PRICKLE1: variants seen among roughly 807,000 people sequenced by gnomAD.
PRICKLE1 encodes the protein prickle planar cell polarity protein 1.
Under a neutral mutation model 70.2 loss-of-function variants are expected in PRICKLE1, and 14 were observed. The observed-to-expected ratio is 0.20, with a 90% CI of 0.13 to 0.31. The LOEUF (loss-of-function observed/expected upper bound fraction) is 0.31. PRICKLE1 is among the 10% of genes least tolerant of loss of function. The probability of loss-of-function intolerance (pLI) is 1.00; values close to 1 mark genes in which losing one functional copy is unlikely to be tolerated. For synonymous variants in PRICKLE1, 357 were observed against 379.9 expected (o/e 0.94, Z 0.70); for missense variants, 821 against 1,026.2 (o/e 0.80, Z 2.73).
At chr12:42,480,422 A>C (rs563699662) in intron 1 of PRICKLE1, among the ~76,000 whole-genome samples, 5 of 152,240 alleles carry the variant, frequency 3.3e-5, no homozygotes, top group African/African-American at 7.2e-5. Flanking sequence ...CCCTGTCCCA[A>C]AAAAAAATCT....
At chr12:42,529,897 A>G (rs1475953380) in intron 1 of PRICKLE1, among the ~76,000 whole-genome samples, 1 of 152,016 alleles carries the variant, frequency 6.6e-6, no homozygotes, top group African/African-American at 2.4e-5. Context: ...TCAAAAAAAA[A>G]GGAAAAAGGA....
chr12:42,474,320 T>C (rs947428356), intron 1 of PRICKLE1, among the ~76,000 whole-genome samples: 7 of 152,242 alleles, frequency 4.6e-5, no homozygotes, highest in Non-Finnish European at 8.8e-5. Context: ...TGGTTTTTCT[T>C]TTATAAATGA....
intron 1 of PRICKLE1, among the ~76,000 whole-genome samples, chr12:42,488,993 G>A (rs113098597): frequency 0.016 from 2,359 of 148,096 alleles, 68 homozygotes; most frequent in East Asian, 0.1. Context: ...GCACAATCTC[G>A]GCACACCACA....
chr12:42,560,923 AC>A (rs1364922295), intron 1 of PRICKLE1, among the ~76,000 whole-genome samples: 1 of 152,182 alleles, frequency 6.6e-6, no homozygotes, highest in Admixed American at 6.5e-5. Flanking sequence ...CTCAAAAAGA[AC>A]AAAAATGTCT....
At chr12:42,502,738 T>C (rs1054220060) in intron 1 of PRICKLE1, among the ~76,000 whole-genome samples, 12 of 152,340 alleles carry the variant, frequency 7.9e-5, no homozygotes, top group African/African-American at 2.2e-4. Context: ...TAGATGTCTT[T>C]TTTTCTCTAT....
intron 1 of PRICKLE1, among the ~76,000 whole-genome samples, chr12:42,536,932 C>T (rs919914930): frequency 6.6e-6 from 1 of 152,126 alleles, no homozygotes; most frequent in East Asian, 1.9e-4. Flanking sequence ...GGTACGTATA[C>T]ATATTATAAT....
chr12:42,497,421 T>C lies in PRICKLE1; in HGVS notation c.-48-24857A>G, dbSNP rs182958011. ...AAAATTAGCAGGGCGTGGTGGTGGG[T>C]GCCTGTAGTCCCAGCTACTCGGGAG... On this transcript the variant is annotated intron_variant, in intron 1 of 7. Coordinates refer to ENST00000345127, the MANE Select transcript of PRICKLE1 (RefSeq NM_153026.3). 6.9e-3 allele frequency among the ~76,000 whole-genome samples: 1,051 copies of C among 151,858 alleles called. 3 individuals carry two copies. Among genetic ancestry groups the C allele is most frequent in the Non-Finnish European group, 9.5e-3 (646 of 67,948 alleles).
At chr12:42,582,741 G>A (rs1940924545) in intron 1 of PRICKLE1, among the ~76,000 whole-genome samples, 1 of 152,188 alleles carries the variant, frequency 6.6e-6, no homozygotes, top group African/African-American at 2.4e-5. Flanking sequence ...ATGCAACCCA[G>A]GATGGCTTTG....
chr12:42,464,502 T>C lies in PRICKLE1; in HGVS notation c.1532A>G (p.His511Arg). 6.2e-7 allele frequency: 1 copy of C among 1,614,064 alleles called. No individual in the cohort carries two copies. The highest frequency in any genetic ancestry group is 8.5e-7 in the Non-Finnish European group (1 of 1,180,044). ...ATCTTCATACCACTGTGTTTCATCA[T>C]GATTATACCCTGAAGCCCCATGGTC... ...ELDHGASGYN[H>R]DETQWYEDSL... is the part of the protein sequence containing the mutation. The change falls in exon 7 of 8, where the codon CAT becomes CGT. Residue 511 changes from histidine (H) to arginine (R), a missense_variant. By Grantham distance (29) the His-to-Arg change is conservative. Coordinates refer to ENST00000345127, the MANE Select transcript of PRICKLE1 (RefSeq NM_153026.3). This position sits in a 1 kb window ranked among gnomAD's most constrained non-coding sequence, Gnocchi z 4.2.
intron 1 of PRICKLE1, chr12:42,584,536 ACTT>A (rs774439869): frequency 1.3e-5 from 2 of 148,322 alleles, no homozygotes; most frequent in Non-Finnish European, 3.0e-5. Flanking sequence ...TTTATATTAG[ACTT>A]CTTTTTTTTT....
intron 1 of PRICKLE1, among the ~76,000 whole-genome samples, chr12:42,495,581 T>C (rs1309432943): frequency 2.0e-5 from 3 of 150,478 alleles, no homozygotes; most frequent in African/African-American, 7.5e-5. Flanking sequence ...ACATCCTCCA[T>C]TGAAGTTTCT....
Position 42,469,448 on chromosome 12 carries a change from A to G in PRICKLE1, c.384+2T>C. ...CTACGCATCAGAGAAGGGGCTGCTC[A>G]CCTGCTCACACACAGCATGCATGAC... On this transcript the variant is annotated splice_donor_variant, in intron 4 of 7. Transcript: ENST00000345127. LOFTEE classifies it high-confidence loss of function. 6.2e-7 allele frequency: 1 copy of G among 1,614,054 alleles called. No individual in the cohort carries two copies. Among genetic ancestry groups the G allele is most frequent in the Non-Finnish European group, 8.5e-7 (1 of 1,180,024 alleles).
At position 42,459,340 on chromosome 12, in the gene PRICKLE1, C is replaced by T; in HGVS notation, c.*469G>A. The stretch of plus-strand genomic sequence containing the variant: ...AGGGTTCGAGGGGACAAGCTGGCCT[C>T]ACAATAAGATGCACAGTGTTAGCTA... On this transcript the variant is annotated 3_prime_UTR_variant, in exon 8 of 8. Transcript: ENST00000345127. The T allele has an allele frequency of 1.4e-6, 1 of 702,206 alleles. No individual in the cohort carries two copies. The highest frequency in any genetic ancestry group is 1.5e-5 in the South Asian group (1 of 67,588). The allele number at this position is 702,206 out of a possible 1,614,324, so 43.5% of individuals were successfully genotyped here. A position where few individuals can be genotyped will look rare whatever the true frequency, so the allele number is the denominator to read the frequency against.
chr12:42,494,001 C>G, intron 1 of PRICKLE1, among the ~76,000 whole-genome samples: 1 of 152,186 alleles, frequency 6.6e-6, no homozygotes, highest in East Asian at 1.9e-4. Flanking sequence ...ATTGTAATTT[C>G]CCAGTGCATA....
intron 1 of PRICKLE1, among the ~76,000 whole-genome samples, chr12:42,475,117 TG>T (rs1938472155): frequency 6.6e-6 from 1 of 152,192 alleles, no homozygotes; most frequent in Admixed American, 6.5e-5. Context: ...CCCAATCACC[TG>T]GAAGTTCTGG....
chr12:42,486,334 G>A (rs1412587934), intron 1 of PRICKLE1, among the ~76,000 whole-genome samples: 1 of 152,122 alleles, frequency 6.6e-6, no homozygotes, highest in Admixed American at 6.6e-5. Context: ...ACTCACTACT[G>A]TATTCTCAGC....
chr12:42,517,793 T>A (rs974202903), intron 1 of PRICKLE1, among the ~76,000 whole-genome samples: 1 of 150,684 alleles, frequency 6.6e-6, no homozygotes, highest in African/African-American at 2.4e-5. Flanking sequence ...AAAGCAAATG[T>A]GTCTTTAAAT....
chr12:42,515,718 C>T (rs1002246612), intron 1 of PRICKLE1, among the ~76,000 whole-genome samples: 5 of 152,190 alleles, frequency 3.3e-5, no homozygotes, highest in African/African-American at 1.2e-4. Flanking sequence ...GAGGGTTCTG[C>T]TCTGCTATCC....
chr12:42,493,910 G>T (rs555674554), intron 1 of PRICKLE1, among the ~76,000 whole-genome samples: 1 of 150,770 alleles, frequency 6.6e-6, no homozygotes, highest in East Asian at 2.0e-4. Flanking sequence ...AAAGAAAAAA[G>T]AAAAATTAAC....
Sources: gnomAD v4.1 joint callset for allele counts (sites outside exome capture counted in the v4.1 genomes callset) on GRCh38, gnomAD v4.1.1 for gene constraint, Gnocchi (gnomAD v3.1) non-coding constraint, MANE v1.5 for transcripts, NCBI Gene and HGNC (gene_info 2026-07-23, HGNC 2026-07-21) for gene names.